The following NAV2 variants were observed in gnomAD, a reference collection of about 807,000 sequenced individuals.
NAV2 encodes helicase, APC down-regulated 1.
In NAV2, 54 loss-of-function variants were observed where a neutral mutation model predicts 223.2. The ratio of observed to expected loss-of-function variants is 0.24; its 90% CI spans 0.19 to 0.30. The LOEUF is 0.30. Among genes scored for constraint, NAV2 ranks in the 10% least tolerant of loss-of-function variants. The pLI, the probability that NAV2 is intolerant of heterozygous loss-of-function variation, is 1.00. For missense variants in NAV2, 2,806 were observed against 3,147.5 expected, an observed-to-expected ratio of 0.89 and a Z score of 2.60; for synonymous variants, 1,279 against 1,239.3, an observed-to-expected ratio of 1.03 and a Z score of -0.67.
At chr11:19,927,393 C>A (rs896090426) in intron 6 of NAV2, among the ~76,000 whole-genome samples, 1 of 152,124 alleles carries the variant, frequency 6.6e-6, no homozygotes, top group Admixed American at 6.6e-5. Context: ...ACCAGCCTGG[C>A]CAACATGGTG....
Position 19,448,834 on chromosome 11 carries a change from G to C in NAV2, c.75+97807G>C, listed in dbSNP as rs532466195. ...CGTAGTGATTAGTTTGATAAATAAAGACTCTTTGGCAATGAAGTTATGGTC... is the reference window on the plus strand; with the variant it reads ...CGTAGTGATTAGTTTGATAAATAAACACTCTTTGGCAATGAAGTTATGGTC... On this transcript the variant is annotated intron_variant, in intron 1 of 37. Coordinates refer to the NAV2 transcript ENST00000360655. Among the ~76,000 whole-genome samples the C allele has an allele frequency of 3.9e-5, 6 of 152,290 alleles. No homozygotes were observed. The South Asian group carries it at 1.2e-3, about 32-fold the overall frequency.
intron 1 of NAV2, among the ~76,000 whole-genome samples, chr11:19,694,742 T>G (rs560515399): frequency 6.6e-6 from 1 of 152,296 alleles, no homozygotes; most frequent in East Asian, 1.9e-4. Flanking sequence ...GCAGATAGAC[T>G]AGGGGTGCAG....
chr11:20,022,019 G>A (rs920756399), intron 11 of NAV2, among the ~76,000 whole-genome samples: 9 of 152,138 alleles, frequency 5.9e-5, no homozygotes, highest in Admixed American at 2.6e-4. Flanking sequence ...CACAACCCCC[G>A]CTCCCTGCTT....
chr11:19,692,221 T>C (rs2049196915), intron 1 of NAV2, among the ~76,000 whole-genome samples: 3 of 152,342 alleles, frequency 2.0e-5, no homozygotes, highest in East Asian at 3.9e-4. Context: ...GTTGCGGGTG[T>C]TGTCTGAACT....
At chr11:20,103,489 CG>C in intron 33 of NAV2, 80 bp downstream of exon 33, 1 of 1,550,646 alleles carries the variant, frequency 6.4e-7, no homozygotes, top group Non-Finnish European at 8.8e-7. Flanking sequence ...ACAGGTGGCC[CG>C]GGGCCGTTGT....
chr11:19,469,131 C>T (rs1056500824), intron 1 of NAV2, among the ~76,000 whole-genome samples: 1 of 152,182 alleles, frequency 6.6e-6, no homozygotes, highest in South Asian at 2.1e-4. Flanking sequence ...TGGAAGCAAA[C>T]CCTATTATAC....
intron 1 of NAV2, among the ~76,000 whole-genome samples, chr11:19,529,765 TTCAAA>T (rs1250202921): frequency 1.3e-5 from 2 of 152,220 alleles, no homozygotes; most frequent in Non-Finnish European, 2.9e-5. Flanking sequence ...CAGTAACCTC[TTCAAA>T]TCACTCAGTG....
At chr11:19,767,030 T>G (rs1025760513) in intron 1 of NAV2, among the ~76,000 whole-genome samples, 6 of 152,122 alleles carry the variant, frequency 3.9e-5, no homozygotes, top group Non-Finnish European at 7.4e-5. Context: ...TGCCCCAGGA[T>G]GGGATGGACT....
At chr11:20,080,269 C>A in intron 25 of NAV2, 60 bp downstream of exon 25, 2 of 1,497,470 alleles carry the variant, frequency 1.3e-6, no homozygotes, top group Non-Finnish European at 1.8e-6. Context: ...GAACTGGCTG[C>A]TGCATCTCCC....
chr11:19,744,580 G>C (rs372617657), intron 1 of NAV2, among the ~76,000 whole-genome samples: 6 of 147,680 alleles, frequency 4.1e-5, no homozygotes, highest in Middle Eastern at 3.5e-3. Context: ...TTTTTTTAAA[G>C]ATTTGTGACA....
Position 20,118,262 on chromosome 11 carries a change from G to A in NAV2, c.*4G>A. 6.2e-7 allele frequency: 1 copy of A among 1,613,500 alleles called. No homozygotes were observed. Among genetic ancestry groups the A allele is most frequent in the South Asian group, 1.1e-5 (1 of 91,032 alleles). ...CTCTTTGGAGTCCACTCTGTGACAG[G>A]GGCCCGGAGCCCAGCGCCCTCCTCT... On this transcript the variant is annotated 3_prime_UTR_variant, in exon 38 of 38. Transcript: ENST00000349880.
At chr11:19,551,067 C>T (rs569148459) in intron 1 of NAV2, among the ~76,000 whole-genome samples, 1 of 152,394 alleles carries the variant, frequency 6.6e-6, no homozygotes, top group South Asian at 2.1e-4. Context: ...ACTGCTGGAG[C>T]TGTGGCACTG....
rs538673013 is a variant in NAV2 at position 20,077,848 on chromosome 11, T to C, written c.5068-145T>C. 4.2e-6 allele frequency: 3 copies of C among 722,496 alleles called. No individual in the cohort carries two copies. In the South Asian group the frequency reaches 5.4e-5, roughly 13 times the overall value. 44.8% of individuals were successfully genotyped at this position (722,496 alleles called of 1,614,324 possible). A position where few individuals can be genotyped will look rare whatever the true frequency, so the allele number is the denominator to read the frequency against. ...TTGTAGTTATAATCCTACTTTTATG[T>C]GTTTGTTCATGCCTGTTGATCCATC... On this transcript the variant is annotated intron_variant, in intron 23 of 37. Transcript: ENST00000349880.
Position 20,045,389 on chromosome 11 carries a change from C to A in NAV2, c.3621C>A (p.Asn1207Lys). Residue 1207 changes from asparagine to lysine, a missense_variant, in exon 14 of 38, where the codon AAC becomes AAA. By Grantham distance (94) the Asn-to-Lys change is moderately conservative. Transcript: ENST00000349880. ...SKSNSRNGAGNRSSTSSIDSN... is the reference protein window; with the variant it reads ...SKSNSRNGAGKRSSTSSIDSN... Reference sequence around the variant, plus strand: ...CCAACAGCCGGAACGGGGCTGGGAACAGGTCTAGCACCAGCAGCATAGATT... The same window carrying A: ...CCAACAGCCGGAACGGGGCTGGGAAAAGGTCTAGCACCAGCAGCATAGATT... 1.2e-6 allele frequency: 2 copies of A among 1,614,172 alleles called. No individual in the cohort carries two copies. Among genetic ancestry groups the A allele is most frequent in the Non-Finnish European group, 1.7e-6 (2 of 1,180,032 alleles).
chr11:19,518,690 G>A (rs948572560), intron 1 of NAV2: 3 of 152,340 alleles, frequency 2.0e-5, no homozygotes, highest in East Asian at 1.9e-4. Flanking sequence ...ATAAATGAAA[G>A]CAGAGATCAC....
chr11:20,031,236 G>A lies in NAV2; in HGVS notation c.2769-4723G>A, dbSNP rs138191948. Among the ~76,000 whole-genome samples the A allele has an allele frequency of 3.9e-3, 598 of 152,286 alleles. 1 individual carries two copies. The highest frequency in any genetic ancestry group is 5.6e-3 in the African/African-American group (234 of 41,570). ...TTTCATTTCACCACATAGTAAACAC[G>A]AATTCTCTAGGTTCCTTTCAAGTTG... is the stretch of plus-strand genomic sequence containing the variant. On this transcript the variant is annotated intron_variant, in intron 11 of 37. Coordinates refer to ENST00000349880, the MANE Select transcript of NAV2 (RefSeq NM_145117.5).
At chr11:19,683,938 CT>C (rs1430550974) in intron 1 of NAV2, among the ~76,000 whole-genome samples, 5 of 152,122 alleles carry the variant, frequency 3.3e-5, no homozygotes, top group African/African-American at 1.2e-4. Flanking sequence ...ATTAAAATAT[CT>C]TTTCTTTTGC....
intron 11 of NAV2, among the ~76,000 whole-genome samples, chr11:19,994,062 G>A (rs544510273): frequency 1.5e-4 from 23 of 152,118 alleles, no homozygotes; most frequent in Non-Finnish European, 2.9e-4. Context: ...CAGAAGCATC[G>A]GGGACTGCAT....
chr11:19,628,494 G>T (rs2047240571), intron 1 of NAV2, among the ~76,000 whole-genome samples: 2 of 152,126 alleles, frequency 1.3e-5, no homozygotes, highest in South Asian at 4.1e-4. Context: ...TACACACATG[G>T]TGAGTGACAC....
Sources: allele counts gnomAD v4.1 joint callset (sites outside exome capture counted in the v4.1 genomes callset), GRCh38; gene constraint gnomAD v4.1.1; transcripts MANE v1.5; gene names NCBI Gene and HGNC (gene_info 2026-07-23, HGNC 2026-07-21).